ZNF148: variants seen among roughly 807,000 people sequenced by gnomAD.
ZNF148 encodes the protein zinc finger protein 148, also known as Beta-Enolase Repressor Factor-1.
ZNF148 carries 7 observed loss-of-function variants against 67.7 expected under a neutral mutation model. The ratio of observed to expected loss-of-function variants is 0.10; its 90% confidence interval spans 0.06 to 0.19. ZNF148 has a LOEUF of 0.19. Among genes scored for constraint, ZNF148 ranks in the 10% least tolerant of loss-of-function variants. ZNF148 has a pLI of 1.00. For synonymous variants in ZNF148, 333 were observed against 330.7 expected (o/e 1.01, Z -0.08); for missense variants, 583 against 947.1 (o/e 0.62, Z 5.05).
intron 1 of ZNF148, among the ~76,000 whole-genome samples, chr3:125,331,592 T>C (rs570493093): frequency 8.5e-5 from 13 of 152,332 alleles, no homozygotes; most frequent in African/African-American, 2.9e-4. Context: ...ACTAAAATCA[T>C]ATTTTGATAC....
At chr3:125,348,080 C>T (rs970530524) in intron 1 of ZNF148, among the ~76,000 whole-genome samples, 2 of 144,548 alleles carry the variant, frequency 1.4e-5, no homozygotes, top group Admixed American at 6.9e-5. Context: ...CATGGCAAAA[C>T]GTCATTTCTA....
At chr3:125,335,921 C>T (rs1002560657) in intron 1 of ZNF148, among the ~76,000 whole-genome samples, 11 of 152,068 alleles carry the variant, frequency 7.2e-5, no homozygotes, top group African/African-American at 1.2e-4. Flanking sequence ...TATGAATTAA[C>T]GTAGCAAGAT....
At chr3:125,322,524 T>C (rs1940830090) in intron 3 of ZNF148, among the ~76,000 whole-genome samples, 1 of 152,014 alleles carries the variant, frequency 6.6e-6, no homozygotes, top group African/African-American at 2.4e-5. Flanking sequence ...GTGAAAGTGA[T>C]ATACACAAAC....
chr3:125,271,399 T>C (rs1296947109), intron 7 of ZNF148, among the ~76,000 whole-genome samples: 2 of 152,230 alleles, frequency 1.3e-5, no homozygotes, highest in Non-Finnish European at 2.9e-5. Context: ...CGTAGAAGGC[T>C]ACATACATAC....
rs79947182 is a variant in ZNF148, at chr3:125,232,235, T to C, written c.*106A>G. The C allele has an allele frequency of 6.2e-6, 8 of 1,290,364 alleles. No individual in the cohort carries two copies. In the South Asian group the frequency reaches 1.3e-4, roughly 21 times the overall value. The allele number at this position is 1,290,364 out of a possible 1,614,324, so 79.9% of individuals were successfully genotyped here. On this transcript the variant is annotated 3_prime_UTR_variant, in exon 9 of 9. Transcript: ENST00000360647. The surrounding 1 kb of genome is among the most constrained non-coding windows in gnomAD (Gnocchi z 4.2). ...TATTCATATCAGCTTAACTTGTTATTACGCATTGCTCTTAAATCTGTACAG... is the reference window on the plus strand; with the variant it reads ...TATTCATATCAGCTTAACTTGTTATCACGCATTGCTCTTAAATCTGTACAG...
At chr3:125,287,948 A>G (rs1346958777) in intron 5 of ZNF148, among the ~76,000 whole-genome samples, 155 bp downstream of exon 5, 1 of 152,166 alleles carries the variant, frequency 6.6e-6, no homozygotes. Flanking sequence ...AATTGAAAGC[A>G]AGGCCCACCA....
chr3:125,279,311 A>AT, intron 5 of ZNF148, 64 bp from the exon 6 acceptor site: 1 of 1,319,930 alleles, frequency 7.6e-7, no homozygotes. Context: ...TTAAATAGTA[A>AT]TTTTAAAAAA....
chr3:125,346,347 C>T (rs1209585682), intron 1 of ZNF148, among the ~76,000 whole-genome samples: 1 of 146,852 alleles, frequency 6.8e-6, no homozygotes, highest in Non-Finnish European at 1.5e-5. Flanking sequence ...TATGAAAAAT[C>T]AAAGCTAATA....
chr3:125,225,918 G>T lies in ZNF148; in HGVS notation c.*6423C>A, dbSNP rs944820102. Reference sequence around the variant, plus strand: ...CCAATTAGTTTAAATTTGTTCCATGGACCCAGACTGCACTCCTAACCACAG... The same window carrying T: ...CCAATTAGTTTAAATTTGTTCCATGTACCCAGACTGCACTCCTAACCACAG... On this transcript the variant is annotated 3_prime_UTR_variant, in exon 9 of 9. Transcript: ENST00000360647. The T allele has an allele frequency of 2.6e-5, 4 of 152,124 alleles. No homozygotes were observed. Among genetic ancestry groups the T allele is most frequent in the Non-Finnish European group, 5.9e-5 (4 of 68,050 alleles). 9.4% of individuals were successfully genotyped at this position (152,124 alleles called of 1,614,324 possible).
At chr3:125,301,257 A>T (rs1422464852) in intron 4 of ZNF148, among the ~76,000 whole-genome samples, 1 of 152,244 alleles carries the variant, frequency 6.6e-6, no homozygotes, top group Non-Finnish European at 1.5e-5. Flanking sequence ...CATGCCTGTA[A>T]TCCCAGCAGG....
intron 4 of ZNF148, among the ~76,000 whole-genome samples, chr3:125,304,974 C>T (rs1260619350): frequency 6.6e-6 from 1 of 152,184 alleles, no homozygotes; most frequent in Non-Finnish European, 1.5e-5. Flanking sequence ...TGTCCAAGAA[C>T]ATAAAACCTG....
At chr3:125,288,300 T>TTA in intron 4 of ZNF148, 72 bp from the exon 5 acceptor site, 3 of 1,492,562 alleles carry the variant, frequency 2.0e-6, no homozygotes, top group Non-Finnish European at 2.7e-6. Flanking sequence ...CATTTTATGT[T>TTA]TAATCCTTTG....
intron 7 of ZNF148, among the ~76,000 whole-genome samples, chr3:125,240,400 C>T (rs1166922164): frequency 2.0e-5 from 3 of 152,090 alleles, no homozygotes; most frequent in African/African-American, 7.2e-5. Flanking sequence ...AAATTACTTG[C>T]TACATTCTAA....
Position 125,232,981 on chromosome 3 carries a change from G to A in ZNF148, c.1745C>T (p.Thr582Ile), listed in dbSNP as rs769813233. 6.2e-7 allele frequency: 1 copy of A among 1,613,794 alleles called. No homozygotes were observed. The highest frequency in any genetic ancestry group is 8.5e-7 in the Non-Finnish European group (1 of 1,179,834). Reference sequence around the variant, plus strand: ...GCTTGATCCAACATTCTCTGACGGGGTGACCTCTGGTACTTCTGAAGAATT... The same window carrying A: ...GCTTGATCCAACATTCTCTGACGGGATGACCTCTGGTACTTCTGAAGAATT... ...SINSSEVPEV[T>I]PSENVGSSSQ... The change falls in exon 9 of 9, where the codon ACC becomes ATC. Residue 582 changes from threonine to isoleucine, a missense_variant. Thr to Ile is a moderately conservative substitution (Grantham distance 89). Around this residue, in one of 5 missense-constraint regions of ZNF148, gnomAD observed 172 missense variants for 307.7 expected, o/e 0.56. Transcript: ENST00000360647. This position sits in a 1 kb window ranked among gnomAD's most constrained non-coding sequence, Gnocchi z 4.2.
intron 5 of ZNF148, among the ~76,000 whole-genome samples, chr3:125,281,369 C>T (rs1938374708): frequency 6.6e-6 from 1 of 152,094 alleles, no homozygotes; most frequent in Admixed American, 6.6e-5. Flanking sequence ...TAAAATATGA[C>T]TCAAAATATT....
At chr3:125,310,772 G>C (rs965578457) in intron 4 of ZNF148, 4 of 152,538 alleles carry the variant, frequency 2.6e-5, no homozygotes, top group Non-Finnish European at 5.9e-5. Flanking sequence ...AGTTTTGCAA[G>C]ATGAAAAAGT....
intron 1 of ZNF148, among the ~76,000 whole-genome samples, chr3:125,361,273 C>T (rs990591245): frequency 6.6e-6 from 1 of 152,040 alleles, no homozygotes; most frequent in South Asian, 2.1e-4. Flanking sequence ...CAGGACCACT[C>T]CCTGTTATCC....
chr3:125,373,652 G>A (rs1346528621), intron 1 of ZNF148, among the ~76,000 whole-genome samples: 1 of 152,104 alleles, frequency 6.6e-6, no homozygotes, highest in Admixed American at 6.5e-5. Context: ...AGATATTCTA[G>A]CTCCTCCATT....
chr3:125,263,498 C>A (rs1297732495), intron 7 of ZNF148, among the ~76,000 whole-genome samples: 1 of 151,700 alleles, frequency 6.6e-6, no homozygotes, highest in South Asian at 2.1e-4. Flanking sequence ...TTGCAGTGAG[C>A]CAAGATTGTG....
Sources: gnomAD v4.1 joint callset for allele counts (sites outside exome capture counted in the v4.1 genomes callset) on GRCh38, gnomAD v4.1.1 for gene constraint, gnomAD v4.1.1 regional missense constraint, Gnocchi (gnomAD v3.1) non-coding constraint, MANE v1.5 for transcripts, NCBI Gene and HGNC (gene_info 2026-07-23, HGNC 2026-07-21) for gene names.